CASP10: variants seen among roughly 807,000 people sequenced by gnomAD.
CASP10 encodes the protein caspase-10.
In CASP10, 41 loss-of-function variants were observed where a neutral mutation model predicts 48.5. The ratio of observed to expected loss-of-function variants is 0.85; its 90% CI spans 0.66 to 1.10. The LOEUF (loss-of-function observed/expected upper bound fraction) is 1.10. CASP10 is among the 50% of genes least tolerant of loss of function. CASP10 has a pLI of 0.00. For synonymous variants in CASP10, 232 were observed against 238.4 expected, an observed-to-expected ratio of 0.97 and a Z score of 0.25; for missense variants, 614 against 614.5, an observed-to-expected ratio of 1.00 and a Z score of 0.01.
intron 9 of CASP10, chr2:201,213,113 A>G (rs1247984110): frequency 6.6e-6 from 1 of 152,216 alleles, no homozygotes; most frequent in African/African-American, 2.4e-5. Flanking sequence ...TTGCACCAAT[A>G]TTTTTGGTTC....
At chr2:201,207,874 C>A (rs1477021416) in intron 7 of CASP10, among the ~76,000 whole-genome samples, 1 of 152,022 alleles carries the variant, frequency 6.6e-6, no homozygotes, top group East Asian at 1.9e-4. Flanking sequence ...CCAGCCTGGG[C>A]AACAAGAGTG....
chr2:201,229,060 C>A, exon 10 of CASP10: 1 of 1,614,204 alleles, frequency 6.2e-7, no homozygotes. Flanking sequence ...ACCCCCCATG[C>A]GCAGGTGGAG....
At chr2:201,225,503 G>C (rs1249036842), downstream of CASP10, among the ~76,000 whole-genome samples, 1 of 152,002 alleles carries the variant, frequency 6.6e-6, no homozygotes, top group Non-Finnish European at 1.5e-5. Context: ...TTGCACTCTC[G>C]GTCTGTTTTA....
intron 9 of CASP10, chr2:201,214,614 C>T (rs951507137): frequency 3.3e-5 from 5 of 152,058 alleles, no homozygotes; most frequent in African/African-American, 1.2e-4. Flanking sequence ...TTTAGAGAGT[C>T]ATGTTATTGG....
At position 201,205,223 on chromosome 2, in the gene CASP10, CTTTTCTTTTT is replaced by C. The variant is rs1187061493; in HGVS notation, c.722-654_722-645del. Among the ~76,000 whole-genome samples the C allele has an allele frequency of 7.5e-5, 11 of 146,954 alleles. No homozygotes were observed. In the East Asian group the frequency reaches 2.1e-3, roughly 29 times the overall value. On this transcript the variant is annotated intron_variant, in intron 6 of 9. Transcript: ENST00000286186. ...TTTCCCCTCTTTTTTCTTTTCTTTT[CTTTTCTTTTT>C]TTTTTTTTTGAGACAGGGCCTCACT...
chr2:201,192,984 A>C lies in CASP10; in HGVS notation c.442A>C (p.Thr148Pro). The change falls in exon 4 of 10, where the codon ACC becomes CCC. Residue 148 changes from threonine (T) to proline (P), a missense_variant and splice_region_variant. Coordinates refer to ENST00000286186, the MANE Select transcript of CASP10 (RefSeq NM_032977.4). ...LKDSLPKTEM[T>P]SLSFLAFLEK... ...TGTAACTCTATTGATTCTCTTGTAG[A>C]CCTCCCTAAGTTTCCTGGCATTTCT... 6.2e-7 allele frequency: 1 copy of C among 1,613,188 alleles called. No individual in the cohort carries two copies. Among genetic ancestry groups the C allele is most frequent in the South Asian group, 1.1e-5 (1 of 91,054 alleles).
At chr2:201,201,789 T>C (rs1189010484) in intron 5 of CASP10, among the ~76,000 whole-genome samples, 1 of 152,198 alleles carries the variant, frequency 6.6e-6, no homozygotes. Flanking sequence ...TCATGTTTCT[T>C]AAGCACCTGA....
Position 201,196,103 on chromosome 2 carries a change from G to T in CASP10, c.684+155G>T, listed in dbSNP as rs3731713. On this transcript the variant is annotated intron_variant, in intron 5 of 9. Coordinates refer to ENST00000286186, the MANE Select transcript of CASP10 (RefSeq NM_032977.4). Reference sequence around the variant, plus strand: ...CATGGTGATTGCAAGTAAACAACATGATATCAACCAGAGTGCACATTTTCT... The same window carrying T: ...CATGGTGATTGCAAGTAAACAACATTATATCAACCAGAGTGCACATTTTCT... The T allele has an allele frequency of 1.3e-3, 797 of 614,192 alleles. 9 individuals carry two copies. The East Asian group carries it at 0.02, about 16-fold the overall frequency. The allele number at this position is 614,192 out of a possible 1,614,324, so 38.0% of individuals were successfully genotyped here.
chr2:201,219,490 T>G lies in CASP10; in HGVS notation c.*1749T>G, dbSNP rs1576150671. ...CTCAGGGCTGGCAGATGCAGTAGAC[T>G]GCAGTGGACAGTCCCCACCTTGTTA... On this transcript the variant is annotated 3_prime_UTR_variant, in exon 10 of 10. Coordinates refer to ENST00000286186, the MANE Select transcript of CASP10 (RefSeq NM_032977.4). The G allele has an allele frequency of 3.0e-6, 3 of 985,412 alleles. No homozygotes were observed. Among genetic ancestry groups the G allele is most frequent in the Non-Finnish European group, 3.6e-6 (3 of 829,948 alleles). 61.0% of individuals were successfully genotyped at this position (985,412 alleles called of 1,614,324 possible). A position where few individuals can be genotyped will look rare whatever the true frequency, so the allele number is the denominator to read the frequency against.
chr2:201,210,823 C>T (rs1275508106), intron 9 of CASP10, among the ~76,000 whole-genome samples: 4 of 151,950 alleles, frequency 2.6e-5, no homozygotes, highest in Admixed American at 2.6e-4. Context: ...GAAGGAAGGA[C>T]AGATAATAAA....
intron 3 of CASP10, among the ~76,000 whole-genome samples, chr2:201,191,137 C>G (rs1465204705): frequency 6.6e-6 from 1 of 152,168 alleles, no homozygotes; most frequent in African/African-American, 2.4e-5. Context: ...GTTGGGATTA[C>G]AGGTATGAGC....
chr2:201,209,636 C>T, intron 9 of CASP10, 74 bp downstream of exon 9: 1 of 1,458,418 alleles, frequency 6.9e-7, no homozygotes, highest in Admixed American at 2.2e-5. Flanking sequence ...TCATTCAACA[C>T]CTTTGGTAAG....
chr2:201,213,139 A>G (rs1244324827), intron 9 of CASP10: 1 of 152,194 alleles, frequency 6.6e-6, no homozygotes. Flanking sequence ...ACCAATGGAT[A>G]ACTCTCATCC....
intron 7 of CASP10, among the ~76,000 whole-genome samples, chr2:201,207,027 G>A (rs557083472): frequency 6.6e-6 from 1 of 152,218 alleles, no homozygotes; most frequent in South Asian, 2.1e-4. Context: ...ATCAGGATCT[G>A]GCATTTCACC....
chr2:201,195,969 G>T (rs1448984209), intron 5 of CASP10, 21 bp downstream of exon 5: 1 of 1,540,250 alleles, frequency 6.5e-7, no homozygotes, highest in Non-Finnish European at 9.0e-7. Flanking sequence ...TGGTGTGCTG[G>T]TCAATGCTTA....
chr2:201,205,528 G>A (rs1459012314), intron 6 of CASP10, among the ~76,000 whole-genome samples: 1 of 152,066 alleles, frequency 6.6e-6, no homozygotes, highest in Non-Finnish European at 1.5e-5. Context: ...ACCACGCCCA[G>A]CCTCCCTCTT....
intron 6 of CASP10, among the ~76,000 whole-genome samples, chr2:201,203,994 T>C (rs572322436): frequency 4.7e-4 from 71 of 152,328 alleles, no homozygotes; most frequent in African/African-American, 1.6e-3. Flanking sequence ...ATGCCTAGTA[T>C]AGCAGATTCT....
At chr2:201,209,002 T>G in intron 8 of CASP10, 68 bp from the exon 9 acceptor site, 1 of 1,548,902 alleles carries the variant, frequency 6.5e-7, no homozygotes, top group Non-Finnish European at 8.8e-7. Flanking sequence ...CATTTTGTTT[T>G]GCATCATTTT....
chr2:201,194,885 T>C (rs1053537616), intron 4 of CASP10, among the ~76,000 whole-genome samples: 1 of 151,900 alleles, frequency 6.6e-6, no homozygotes, highest in Non-Finnish European at 1.5e-5. Flanking sequence ...TTCACACCAT[T>C]CTTCCGCCTC....
Sources: gnomAD v4.1 joint callset for allele counts (sites outside exome capture counted in the v4.1 genomes callset) on GRCh38, gnomAD v4.1.1 for gene constraint, MANE v1.5 for transcripts, NCBI Gene and HGNC (gene_info 2026-07-23, HGNC 2026-07-21) for gene names.